ACLY: variants seen among roughly 807,000 people sequenced by gnomAD.
ACLY encodes ATP-citrate synthase.
A neutral mutation model predicts 133.0 loss-of-function variants in ACLY; 41 were observed. That is an observed-to-expected ratio of 0.31 (90% CI 0.24 to 0.40). The LOEUF is 0.40. Among genes scored for constraint, ACLY ranks in the 10% least tolerant of loss-of-function variants. The pLI is 1.00. For synonymous variants in ACLY, 495 were observed against 549.3 expected, an observed-to-expected ratio of 0.90 and a Z score of 1.38; for missense variants, 1,046 against 1,453.8, an observed-to-expected ratio of 0.72 and a Z score of 4.56.
exon 1 of ACLY, chr17:41,930,418 G>T: frequency 3.2e-6 from 1 of 309,288 alleles, no homozygotes; most frequent in Non-Finnish European, 6.2e-6. Context: ...TTTCTTGGCT[G>T]TCTTACAAGG....
In ACLY at chr17:41,884,246, C is replaced by T. The variant is rs2048993441; in HGVS notation, c.2101G>A (p.Val701Met). 2 of 1,612,578 alleles carry T rather than the reference C, an allele frequency of 1.2e-6. No individual in the cohort carries two copies. The highest frequency in any genetic ancestry group is 3.3e-5 in the Admixed American group (2 of 59,984). Residue 701 changes from valine (V) to methionine (M), a missense_variant, in exon 19 of 29, where the codon GTG becomes ATG. Val to Met is a conservative substitution (Grantham distance 21, BLOSUM62 1). This residue lies in a region of ACLY where 575 missense variants were observed against 804.2 expected (regional missense o/e 0.71). Transcript: ENST00000352035. ...CCTGGAGTGTCCTGATAGCGTAACA[C>T]ATGATCCATGAATGTGGAGCCCGGG... Reference protein sequence around the residue: ...RYPGSTFMDHVLRYQDTPGVK... With the variant: ...RYPGSTFMDHMLRYQDTPGVK...
intron 18 of ACLY, among the ~76,000 whole-genome samples, chr17:41,885,731 T>A (rs1555628040): frequency 6.6e-6 from 1 of 152,154 alleles, no homozygotes; most frequent in Admixed American, 6.5e-5. Context: ...CTAGGGAGGT[T>A]AAGTAACCGG....
intron 3 of ACLY, 115 bp downstream of exon 3, chr17:41,912,305 T>C: frequency 7.0e-7 from 1 of 1,431,268 alleles, no homozygotes; most frequent in South Asian, 1.4e-5. Context: ...ACTCCTGCCT[T>C]CCCTGAGCTA....
At chr17:41,872,330 C>T in intron 23 of ACLY, 148 bp from the exon 24 acceptor site, 1 of 738,466 alleles carries the variant, frequency 1.4e-6, no homozygotes, top group South Asian at 1.8e-5. Context: ...GCAAAACCTC[C>T]TGATTCTTTT....
upstream of ACLY, among the ~76,000 whole-genome samples, chr17:41,922,370 C>CAAA (rs1164362085): frequency 8.5e-3 from 256 of 29,944 alleles, no homozygotes; most frequent in Non-Finnish European, 0.012. Context: ...CAGAGCGAGA[C>CAAA]AAAAAAAAAA....
chr17:41,878,623 T>A (rs2048823935), intron 21 of ACLY, among the ~76,000 whole-genome samples, 174 bp downstream of exon 21: 1 of 151,766 alleles, frequency 6.6e-6, no homozygotes, highest in Non-Finnish European at 1.5e-5. Flanking sequence ...CTCCACAAAC[T>A]AAATAAAACA....
chr17:41,921,525 A>AGAAG (rs1300250146), upstream of ACLY, among the ~76,000 whole-genome samples: 4 of 151,666 alleles, frequency 2.6e-5, no homozygotes, highest in South Asian at 8.3e-4. Context: ...AAGAAAAGAA[A>AGAAG]GAAGGAAGGA....
At chr17:41,895,286 G>A (rs1326057094) in intron 14 of ACLY, among the ~76,000 whole-genome samples, 1 of 152,168 alleles carries the variant, frequency 6.6e-6, no homozygotes, top group Non-Finnish European at 1.5e-5. Flanking sequence ...GCCAGGTGAC[G>A]CACGTGCACA....
chr17:41,875,580 T>C (rs1374259853), intron 22 of ACLY, among the ~76,000 whole-genome samples: 2 of 152,166 alleles, frequency 1.3e-5, no homozygotes, highest in African/African-American at 4.8e-5. Context: ...TGCCTGCGAT[T>C]GCAGGCGCGC....
At chr17:41,901,910 T>C in intron 10 of ACLY, 97 bp from the exon 11 acceptor site, 1 of 935,518 alleles carries the variant, frequency 1.1e-6, no homozygotes, top group South Asian at 1.7e-5. Context: ...ATGTGACAAG[T>C]GCTGCTCCTC....
chr17:41,892,837 C>T (rs1354564110), intron 15 of ACLY, among the ~76,000 whole-genome samples, 196 bp downstream of exon 15: 5 of 152,074 alleles, frequency 3.3e-5, no homozygotes, highest in African/African-American at 1.2e-4. Context: ...CCACCATATC[C>T]GGCTAATTTT....
At chr17:41,871,926 T>G in intron 24 of ACLY, 94 bp from the exon 25 acceptor site, 1 of 1,594,080 alleles carries the variant, frequency 6.3e-7, no homozygotes, top group Non-Finnish European at 8.6e-7. Context: ...CCCTGAGCAC[T>G]GGGTTTTACA....
chr17:41,882,223 T>C (rs528146631), intron 20 of ACLY, among the ~76,000 whole-genome samples: 4 of 151,590 alleles, frequency 2.6e-5, no homozygotes, highest in Admixed American at 1.3e-4. Context: ...AAAAATTAGC[T>C]GGGTGTGGTG....
chr17:41,921,124 C>G (rs762932259), upstream of ACLY, among the ~76,000 whole-genome samples: 1 of 87,134 alleles, frequency 1.1e-5, no homozygotes, highest in African/African-American at 3.8e-5. Context: ...AAAACTCCAT[C>G]TCAAAGCAAA....
chr17:41,868,996 C>T (rs2048532218), intron 27 of ACLY, 47 bp downstream of exon 27: 1 of 1,526,166 alleles, frequency 6.6e-7, no homozygotes, highest in East Asian at 2.2e-5. Context: ...GAGGAAACAA[C>T]AAAAATCAAC....
intron 20 of ACLY, among the ~76,000 whole-genome samples, 181 bp from the exon 21 acceptor site, chr17:41,879,105 C>T (rs2048838095): frequency 6.6e-6 from 1 of 152,090 alleles, no homozygotes; most frequent in Non-Finnish European, 1.5e-5. Flanking sequence ...CAGAGAAGTT[C>T]AGGAGCTTCC....
intron 1 of ACLY, among the ~76,000 whole-genome samples, chr17:41,924,735 G>A (rs1356120898): frequency 6.6e-6 from 1 of 152,158 alleles, no homozygotes; most frequent in Non-Finnish European, 1.5e-5. Flanking sequence ...AAGCTGGAGG[G>A]ATGGCTAGTT....
At position 41,896,605 on chromosome 17, in the gene ACLY, G is replaced by A. The variant is rs782596653; in HGVS notation, c.1459+15C>T. 3.9e-6 allele frequency: 6 copies of A among 1,555,800 alleles called. No homozygotes were observed. The highest frequency in any genetic ancestry group is 1.9e-5 in the Admixed American group (1 of 51,662). On this transcript the variant is annotated intron_variant, in intron 14 of 28. Transcript: ENST00000352035. ...AAGCCACACGCGGAGTGGGGGCAGG[G>A]TGGGGGCATCCTACCTTGCAGGGAT...
chr17:41,929,294 C>T (rs1555636354), intron 1 of ACLY, among the ~76,000 whole-genome samples: 1 of 152,000 alleles, frequency 6.6e-6, no homozygotes, highest in Non-Finnish European at 1.5e-5. Flanking sequence ...AGGGCTTCGC[C>T]ATGTTGCCCA....
Sources: allele counts gnomAD v4.1 joint callset (sites outside exome capture counted in the v4.1 genomes callset), GRCh38; gene constraint gnomAD v4.1.1; regional missense constraint gnomAD v4.1.1; transcripts MANE v1.5; gene names NCBI Gene and HGNC (gene_info 2026-07-23, HGNC 2026-07-21).